DNAH5: variants seen among roughly 807,000 people sequenced by gnomAD.
The protein encoded by DNAH5 is dynein axonemal heavy chain 5.
A neutral mutation model predicts 518.2 loss-of-function variants in DNAH5; 372 were observed. That is an observed-to-expected ratio of 0.72 (90% CI 0.66 to 0.78). The LOEUF (loss-of-function observed/expected upper bound fraction) is 0.78, where lower values mean the gene tolerates loss of function less well. Ranked by LOEUF, DNAH5 falls within the 30% of genes least tolerant of loss-of-function variation. The pLI, the probability that DNAH5 is intolerant of heterozygous loss-of-function variation, is 0.00. For synonymous variants in DNAH5, 2,039 were observed against 2,025.9 expected, an observed-to-expected ratio of 1.01 and a Z score of -0.17; for missense variants, 5,523 against 5,687.0, an observed-to-expected ratio of 0.97 and a Z score of 0.93.
chr5:13,809,245 T>C, intron 45 of DNAH5, 59 bp from the exon 46 acceptor site: 1 of 1,592,376 alleles, frequency 6.3e-7, no homozygotes, highest in Non-Finnish European at 8.6e-7. Flanking sequence ...CGAACTGTAA[T>C]GAGCAGACAT....
rs1580180757 is a variant in DNAH5, at chr5:13,777,307, TC to T, written c.8999del (p.Arg3000GlnfsTer28). On this transcript the variant is annotated frameshift_variant, in exon 54 of 79. Transcript: ENST00000265104. LOFTEE classifies it high-confidence loss of function. ...NLMEDLKVLY[R>X]TAGQQGKGIT... ...TTCCTTTGCCTTGCTGACCAGCTGT[TC>T]GATACAAAACCTTCAGATCTTCCAT... The T allele has an allele frequency of 6.2e-7, 1 of 1,613,532 alleles. No homozygotes were observed. Among genetic ancestry groups the T allele is most frequent in the African/African-American group, 1.3e-5 (1 of 75,024 alleles).
At chr5:13,706,582 C>T (rs1346185035) in intron 76 of DNAH5, among the ~76,000 whole-genome samples, 1 of 152,176 alleles carries the variant, frequency 6.6e-6, no homozygotes, top group Non-Finnish European at 1.5e-5. Context: ...GGTGTGCATG[C>T]ACATCACACA....
intron 47 of DNAH5, among the ~76,000 whole-genome samples, chr5:13,796,819 A>G (rs1757898623): frequency 6.6e-6 from 1 of 152,214 alleles, no homozygotes. Context: ...GGCTACAGTA[A>G]CCAAAACAGC....
intron 12 of DNAH5, among the ~76,000 whole-genome samples, chr5:13,907,818 C>A (rs1775516450): frequency 6.6e-6 from 1 of 152,112 alleles, no homozygotes; most frequent in Non-Finnish European, 1.5e-5. Flanking sequence ...TGCTTCAAGA[C>A]AAAGTGAACA....
At position 13,931,214 on chromosome 5, in the gene DNAH5, G is replaced by A. The variant is rs114220185; in HGVS notation, c.88C>T (p.Arg30Trp). 3.4e-4 allele frequency: 542 copies of A among 1,614,086 alleles called. 4 individuals are homozygous for A. In the African/African-American group the frequency reaches 3.8e-3, roughly 11 times the overall value. Residue 30 changes from arginine to tryptophan, a missense_variant, in exon 2 of 79, where the codon CGG becomes TGG. Arg to Trp is a moderately radical substitution (Grantham distance 101). Around this residue, in one of 3 missense-constraint regions of DNAH5, gnomAD observed 5,121 missense variants for 5,223.3 expected, o/e 0.98. Coordinates refer to ENST00000265104, the MANE Select transcript of DNAH5 (RefSeq NM_001369.3). The stretch of plus-strand genomic sequence containing the variant: ...TTATGCCTCGCATCCAAAAGAGCCC[G>A]CTTGGCTTCCTTCTCTCCCTTCAGT... Reference protein sequence around the residue: ...QRLKGEKEAKRALLDARHNYL... With the variant: ...QRLKGEKEAKWALLDARHNYL...
At chr5:13,903,187 G>A (rs1211961895) in intron 12 of DNAH5, among the ~76,000 whole-genome samples, 2 of 151,720 alleles carry the variant, frequency 1.3e-5, no homozygotes, top group South Asian at 2.1e-4. Context: ...CGTATAAAGG[G>A]GAACATAATT....
At chr5:13,924,775 T>C (rs1293806678) in intron 3 of DNAH5, among the ~76,000 whole-genome samples, 1 of 152,130 alleles carries the variant, frequency 6.6e-6, no homozygotes, top group East Asian at 1.9e-4. Flanking sequence ...ATAAGAATAC[T>C]AGCCTCTGTA....
chr5:13,734,894 G>A (rs936480297), intron 68 of DNAH5, among the ~76,000 whole-genome samples: 8 of 151,714 alleles, frequency 5.3e-5, no homozygotes, highest in Non-Finnish European at 8.8e-5. Context: ...ATCTATATAT[G>A]CTTTTCAAGG....
intron 47 of DNAH5, among the ~76,000 whole-genome samples, chr5:13,803,219 A>T (rs1759055618): frequency 6.6e-6 from 1 of 152,232 alleles, no homozygotes; most frequent in African/African-American, 2.4e-5. Context: ...TAGCTAAAAC[A>T]TAAAAATGGA....
At chr5:13,868,798 C>T (rs1769657402) in intron 24 of DNAH5, among the ~76,000 whole-genome samples, 1 of 152,206 alleles carries the variant, frequency 6.6e-6, no homozygotes, top group Admixed American at 6.5e-5. Flanking sequence ...CTTTCCAACA[C>T]TGCCTCTGAT....
chr5:13,919,183 A>C lies in DNAH5; in HGVS notation c.968T>G (p.Leu323Arg). The change falls in exon 7 of 79, where the codon CTG becomes CGG. Residue 323 changes from leucine (L) to arginine (R), a missense_variant. Transcript: ENST00000265104. ...AATGAAATGGCTGACGACCTTCAGC[A>C]GTTTCGACTTGGCCGCCGCAAGCAC... Reference protein sequence around the residue: ...LAVLAAAKSKLLKTWREMDIR... With the variant: ...LAVLAAAKSKRLKTWREMDIR... 3 of 1,613,982 alleles carry C rather than the reference A, an allele frequency of 1.9e-6. No individual in the cohort carries two copies. In the South Asian group the frequency reaches 3.3e-5, roughly 18 times the overall value.
chr5:13,909,162 C>G (rs1475786714), intron 12 of DNAH5, among the ~76,000 whole-genome samples: 1 of 152,146 alleles, frequency 6.6e-6, no homozygotes, highest in Non-Finnish European at 1.5e-5. Context: ...ATACAGTAGT[C>G]CCCTCTTATC....
At position 13,691,023 on chromosome 5, in the gene DNAH5, G is replaced by A. The variant is rs902748089; in HGVS notation, c.*961C>T. 2 of 152,004 alleles carry A rather than the reference G, an allele frequency of 1.3e-5. No individual in the cohort carries two copies. Among genetic ancestry groups the A allele is most frequent in the African/African-American group, 4.8e-5 (2 of 41,386 alleles). 9.4% of individuals were successfully genotyped at this position (152,004 alleles called of 1,614,324 possible). A position where few individuals can be genotyped will look rare whatever the true frequency, so the allele number is the denominator to read the frequency against. On this transcript the variant is annotated 3_prime_UTR_variant, in exon 79 of 79. Coordinates refer to ENST00000265104, the MANE Select transcript of DNAH5 (RefSeq NM_001369.3). ...AACTAAATCTTTCACTTAACAGTCT[G>A]GGTCTACCATTTCATATTATGGAAT... is the stretch of plus-strand genomic sequence containing the variant.
intron 47 of DNAH5, among the ~76,000 whole-genome samples, chr5:13,794,950 G>C (rs931174578): frequency 3.3e-5 from 5 of 152,226 alleles, no homozygotes; most frequent in Admixed American, 2.6e-4. Flanking sequence ...CTGGGCGACA[G>C]AGCGAGACTC....
rs1189357808 is a variant in DNAH5 at position 13,867,770 on chromosome 5, A to G, written c.4053+4T>C. ...AACGCACACAGAGAAAGCCAGAGACATACCAAATCATAGTCCAGATAAAAC... is the reference window on the plus strand; with the variant it reads ...AACGCACACAGAGAAAGCCAGAGACGTACCAAATCATAGTCCAGATAAAAC... On this transcript the variant is annotated splice_donor_region_variant and intron_variant, in intron 25 of 78. Coordinates refer to ENST00000265104, the MANE Select transcript of DNAH5 (RefSeq NM_001369.3). The G allele has an allele frequency of 1.2e-6, 2 of 1,610,982 alleles. No individual in the cohort carries two copies. Among genetic ancestry groups the G allele is most frequent in the Admixed American group, 1.7e-5 (1 of 60,020 alleles).
intron 65 of DNAH5, among the ~76,000 whole-genome samples, chr5:13,738,007 G>A (rs1747821528): frequency 6.6e-6 from 1 of 151,564 alleles, no homozygotes; most frequent in Non-Finnish European, 1.5e-5. Context: ...AGGTTGCAGT[G>A]AGCTGAGATC....
At chr5:13,859,665 T>A in intron 29 of DNAH5, 60 bp from the exon 30 acceptor site, 2 of 1,530,570 alleles carry the variant, frequency 1.3e-6, no homozygotes, top group South Asian at 1.1e-5. Context: ...TGTTTCAAAT[T>A]AAAAAGGTTT....
chr5:13,809,314 A>T, intron 45 of DNAH5, 128 bp from the exon 46 acceptor site: 1 of 1,144,812 alleles, frequency 8.7e-7, no homozygotes, highest in Admixed American at 1.8e-5. Flanking sequence ...GATCATTAAA[A>T]TTAGAGATCT....
chr5:13,722,228 T>C (rs940647359), intron 70 of DNAH5, among the ~76,000 whole-genome samples: 2 of 152,188 alleles, frequency 1.3e-5, no homozygotes, highest in African/African-American at 4.8e-5. Context: ...AGATTTCAGA[T>C]AGACCCGGAT....
Sources: gnomAD v4.1 joint callset for allele counts (sites outside exome capture counted in the v4.1 genomes callset) on GRCh38, gnomAD v4.1.1 for gene constraint, gnomAD v4.1.1 regional missense constraint, MANE v1.5 for transcripts, NCBI Gene and HGNC (gene_info 2026-07-23, HGNC 2026-07-21) for gene names.